TENM4: variants seen among roughly 807,000 people sequenced by gnomAD.
TENM4 encodes teneurin transmembrane protein 4, also known as teneurin-4.
In TENM4, 82 loss-of-function variants were observed where a neutral mutation model predicts 243.3. The observed-to-expected ratio is 0.34, with a 90% CI of 0.28 to 0.40. The LOEUF (loss-of-function observed/expected upper bound fraction) is 0.40. Among genes scored for constraint, TENM4 ranks in the 10% least tolerant of loss-of-function variants. The pLI is 1.00. For synonymous variants in TENM4, 1,412 were observed against 1,456.3 expected, an observed-to-expected ratio of 0.97 and a Z score of 0.69; for missense variants, 3,138 against 3,673.3, an observed-to-expected ratio of 0.85 and a Z score of 3.77.
intron 6 of TENM4, among the ~76,000 whole-genome samples, chr11:79,037,071 T>C (rs1267673482): frequency 6.8e-6 from 1 of 146,548 alleles, no homozygotes; most frequent in Non-Finnish European, 1.5e-5. Context: ...ACACTCAAGA[T>C]GTATTCTGAC....
intron 3 of TENM4, among the ~76,000 whole-genome samples, chr11:79,169,920 G>A (rs1199476817): frequency 6.6e-6 from 1 of 152,176 alleles, no homozygotes; most frequent in Non-Finnish European, 1.5e-5. Flanking sequence ...AGGGGACCCT[G>A]ACAGATTAAT....
intron 19 of TENM4, among the ~76,000 whole-genome samples, chr11:78,754,213 G>A (rs1296589113): frequency 6.6e-6 from 1 of 152,204 alleles, no homozygotes; most frequent in Admixed American, 6.5e-5. Context: ...GAGCGGCAGA[G>A]CCAGGATCTG....
chr11:79,079,460 G>A (rs1860611200), intron 4 of TENM4, among the ~76,000 whole-genome samples: 2 of 152,188 alleles, frequency 1.3e-5, no homozygotes. Context: ...GATTCCTTTG[G>A]TCTACATCCT....
intron 1 of TENM4, among the ~76,000 whole-genome samples, chr11:79,313,752 T>C (rs1411005236): frequency 6.6e-6 from 1 of 152,182 alleles, no homozygotes; most frequent in Non-Finnish European, 1.5e-5. Context: ...CAGAGGCTCT[T>C]CTGTTTCCCT....
intron 6 of TENM4, among the ~76,000 whole-genome samples, chr11:78,943,398 G>A (rs911573603): frequency 4.6e-5 from 7 of 152,200 alleles, no homozygotes; most frequent in African/African-American, 1.7e-4. Context: ...GTGAGCAGCA[G>A]ACTCTTATCC....
In TENM4 at chr11:78,670,187, C is replaced by T; in HGVS notation, c.6158G>A (p.Cys2053Tyr). The change falls in exon 32 of 34, where the codon TGC becomes TAC. Residue 2053 changes from cysteine to tyrosine, a missense_variant. By Grantham distance (194) the Cys-to-Tyr change is radical. This residue lies in a region of TENM4 where 2,467 missense variants were observed against 3,059.1 expected (regional missense o/e 0.81). Transcript: ENST00000278550. ...CCCAATCTGACGGTAGCGGATGGTG[C>T]AGGTGAAGCCCTCATTCTGTAGGTT... The part of the protein sequence containing the change: ...TINLQNEGFT[C>Y]TIRYRQIGPL... 2 of 1,613,908 alleles carry T rather than the reference C, an allele frequency of 1.2e-6. No homozygotes were observed.
intron 16 of TENM4, among the ~76,000 whole-genome samples, chr11:78,785,253 C>T (rs1332984898): frequency 5.3e-5 from 8 of 151,994 alleles, no homozygotes; most frequent in Non-Finnish European, 8.8e-5. Flanking sequence ...AGGATGACAC[C>T]GATATAAAGA....
chr11:79,239,957 A>G (rs1864556613), intron 2 of TENM4, among the ~76,000 whole-genome samples: 1 of 152,228 alleles, frequency 6.6e-6, no homozygotes, highest in African/African-American at 2.4e-5. Flanking sequence ...CAGCAATCAA[A>G]TGAGCAGACA....
At chr11:79,090,500 G>A (rs1860919687) in intron 4 of TENM4, among the ~76,000 whole-genome samples, 1 of 152,320 alleles carries the variant, frequency 6.6e-6, no homozygotes, top group South Asian at 2.1e-4. Context: ...CTTGCATCTG[G>A]CAACTCATTC....
chr11:78,850,820 G>A (rs1436452228), intron 12 of TENM4, among the ~76,000 whole-genome samples: 1 of 152,148 alleles, frequency 6.6e-6, no homozygotes, highest in Non-Finnish European at 1.5e-5. Flanking sequence ...GGATTGCAAA[G>A]TACTATTGTT....
intron 1 of TENM4, among the ~76,000 whole-genome samples, chr11:79,342,478 C>G (rs1164321298): frequency 6.6e-6 from 1 of 152,084 alleles, no homozygotes; most frequent in African/African-American, 2.4e-5. Flanking sequence ...GCTGGGAGTA[C>G]AGCGGGCCAC....
intron 19 of TENM4, among the ~76,000 whole-genome samples, chr11:78,740,018 G>A (rs1186940565): frequency 6.6e-6 from 1 of 152,198 alleles, no homozygotes; most frequent in African/African-American, 2.4e-5. Context: ...TCAAGGATCC[G>A]CACATTGGGG....
At chr11:78,820,892 C>T (rs1857711619) in intron 12 of TENM4, among the ~76,000 whole-genome samples, 2 of 152,212 alleles carry the variant, frequency 1.3e-5, no homozygotes, top group Non-Finnish European at 2.9e-5. Flanking sequence ...AAGTTTTCTC[C>T]CATTGCACTC....
intron 6 of TENM4, among the ~76,000 whole-genome samples, chr11:78,968,818 G>A (rs375652252): frequency 1.3e-5 from 2 of 152,196 alleles, no homozygotes; most frequent in Non-Finnish European, 2.9e-5. Context: ...GTGGTGGTGA[G>A]AGTGAAATTC....
At chr11:79,428,799 C>T (rs1859108019) in intron 1 of TENM4, among the ~76,000 whole-genome samples, 1 of 152,204 alleles carries the variant, frequency 6.6e-6, no homozygotes, top group Non-Finnish European at 1.5e-5. Context: ...AATTAGGTCA[C>T]TCACCTCGTA....
rs552548129 is a variant in TENM4 at position 79,288,306 on chromosome 11, A to G, written c.-265+9182T>C. Among the ~76,000 whole-genome samples, 11 of 152,356 alleles carry G rather than the reference A, an allele frequency of 7.2e-5. No individual in the cohort carries two copies. The South Asian group carries it at 2.3e-3, about 32-fold the overall frequency. On this transcript the variant is annotated intron_variant, in intron 2 of 33. Transcript: ENST00000278550. ...ACCACTGGAATATCTTCAGAAGTAAATGAAACAGTAAGCTAGTAGACTTAA... is the reference window on the plus strand; with the variant it reads ...ACCACTGGAATATCTTCAGAAGTAAGTGAAACAGTAAGCTAGTAGACTTAA...
chr11:78,658,470 C>A lies in TENM4; in HGVS notation c.7898G>T (p.Gly2633Val), dbSNP rs1416933792. The stretch of plus-strand genomic sequence containing the variant: ...CAGGGTTCGCCGCCCCCCACTGAGG[C>A]CCAGGATGGCCAGGTCACCTTCTGA... ...GPSEGDLAIL[G>V]LSGGRRTLEN... is the part of the protein sequence containing the mutation. The change falls in exon 34 of 34, where the codon GGC (glycine) becomes GTC (valine). Residue 2633 changes from glycine (G) to valine (V), a missense_variant. Transcript: ENST00000278550. 5.6e-6 allele frequency: 9 copies of A among 1,613,934 alleles called. No individual in the cohort carries two copies. The highest frequency in any genetic ancestry group is 7.6e-6 in the Non-Finnish European group (9 of 1,179,914).
chr11:79,311,347 A>G (rs757830559), intron 1 of TENM4, among the ~76,000 whole-genome samples: 2 of 152,194 alleles, frequency 1.3e-5, no homozygotes, highest in Non-Finnish European at 2.9e-5. Context: ...GACACAGGTC[A>G]GGTAGCTAGC....
At chr11:79,434,234 T>G (rs1327866803) in intron 1 of TENM4, among the ~76,000 whole-genome samples, 2 of 152,172 alleles carry the variant, frequency 1.3e-5, no homozygotes, top group Non-Finnish European at 2.9e-5. Flanking sequence ...GATTGATTGA[T>G]TGGGCCCTGG....
Sources: gnomAD v4.1 joint callset for allele counts (sites outside exome capture counted in the v4.1 genomes callset) on GRCh38, gnomAD v4.1.1 for gene constraint, gnomAD v4.1.1 regional missense constraint, MANE v1.5 for transcripts, NCBI Gene and HGNC (gene_info 2026-07-23, HGNC 2026-07-21) for gene names.